The following HFM1 variants were observed in gnomAD, a reference collection of about 807,000 sequenced individuals.
HFM1 encodes probable ATP-dependent DNA helicase HFM1.
HFM1 carries 169 observed loss-of-function variants against 192.1 expected under a neutral mutation model. The observed-to-expected ratio is 0.88, with a 90% CI of 0.78 to 1.00. The LOEUF (loss-of-function observed/expected upper bound fraction) is 1.00. HFM1 is among the 50% of genes least tolerant of loss of function. The pLI is 0.00. For synonymous variants in HFM1, 525 were observed against 537.8 expected (o/e 0.98, Z 0.33); for missense variants, 1,661 against 1,668.0 (o/e 1.00, Z 0.07).
Position 91,323,096 on chromosome 1 carries a change from A to T in HFM1, c.2531T>A (p.Ile844Asn), listed in dbSNP as rs1334366526. The change falls in exon 22 of 39, where the codon ATC becomes AAC. Residue 844 changes from isoleucine to asparagine, a missense_variant. Coordinates refer to ENST00000370425, the MANE Select transcript of HFM1 (RefSeq NM_001017975.6). The part of the protein sequence containing the change: ...TLNKDPNRIT[I>N]RFPMEGRIKT... ...AAAACATATGTAATTTCTGTACCTG[A>T]TAGTTATCCGATTTGGATCTTTGTT... 1 of 1,512,666 alleles carries T rather than the reference A, an allele frequency of 6.6e-7. No individual in the cohort carries two copies. The highest frequency in any genetic ancestry group is 1.8e-5 in the Admixed American group (1 of 56,264). 93.7% of individuals were successfully genotyped at this position (1,512,666 alleles called of 1,614,324 possible). A position where few individuals can be genotyped will look rare whatever the true frequency, so the allele number is the denominator to read the frequency against.
chr1:91,397,593 A>G (rs1375609937), intron 2 of HFM1, among the ~76,000 whole-genome samples: 1 of 152,234 alleles, frequency 6.6e-6, no homozygotes, highest in Non-Finnish European at 1.5e-5. Context: ...TTTTCCAAGT[A>G]AAAAATCTAC....
intron 32 of HFM1, among the ~76,000 whole-genome samples, 176 bp from the exon 33 acceptor site, chr1:91,274,985 A>ATTTTTTT (rs369981082): frequency 1.5e-5 from 2 of 132,976 alleles, no homozygotes; most frequent in South Asian, 2.4e-4. Flanking sequence ...AAATGTTGGC[A>ATTTTTTT]TTTTTTTTTT....
chr1:91,394,233 A>C lies in HFM1; in HGVS notation c.354T>G (p.Ala118=). 1 of 1,599,878 alleles carries C rather than the reference A, an allele frequency of 6.3e-7. No homozygotes were observed. ...GVGNNDLSHI[A]GKLTYASQKY... ...TCTGAGAAGCATATGTCAGCTTGCCAGCAATATGTGATAAGTCATTATTAC... is the reference window on the plus strand; with the variant it reads ...TCTGAGAAGCATATGTCAGCTTGCCCGCAATATGTGATAAGTCATTATTAC... The change falls in exon 4 of 39, where the codon GCT becomes GCG. Residue 118 remains alanine (A), a synonymous_variant. Transcript: ENST00000370425.
At chr1:91,318,675 C>T (rs1216284372) in intron 25 of HFM1, among the ~76,000 whole-genome samples, 3 of 152,056 alleles carry the variant, frequency 2.0e-5, no homozygotes, top group Non-Finnish European at 1.5e-5. Context: ...AAAGAGGTGA[C>T]ATAATTTTCT....
chr1:91,279,769 G>A (rs1667291794), intron 30 of HFM1, among the ~76,000 whole-genome samples: 1 of 152,098 alleles, frequency 6.6e-6, no homozygotes, highest in Non-Finnish European at 1.5e-5. Context: ...CTGGGTTGGA[G>A]GTCTATGGTG....
intron 13 of HFM1, among the ~76,000 whole-genome samples, chr1:91,370,108 A>C (rs534434955): frequency 2.6e-5 from 4 of 152,306 alleles, no homozygotes; most frequent in African/African-American, 9.6e-5. Context: ...ATAGCTTACC[A>C]ACCAAAAAAA....
At chr1:91,394,530 G>A (rs1186689087) in intron 3 of HFM1, 128 bp from the exon 4 acceptor site, 1 of 609,572 alleles carries the variant, frequency 1.6e-6, no homozygotes, top group African/African-American at 1.9e-5. Context: ...CTAGTAATAA[G>A]CTCATCTGTA....
At chr1:91,341,064 C>T (rs1655259746) in intron 20 of HFM1, among the ~76,000 whole-genome samples, 1 of 152,056 alleles carries the variant, frequency 6.6e-6, no homozygotes, top group African/African-American at 2.4e-5. Flanking sequence ...ATGTTCAGGA[C>T]CTAAACTTGA....
intron 13 of HFM1, among the ~76,000 whole-genome samples, chr1:91,373,422 T>C (rs1344945671): frequency 1.3e-5 from 2 of 152,246 alleles, no homozygotes; most frequent in Middle Eastern, 3.4e-3. Flanking sequence ...TAATAATAAG[T>C]TAATGTTCAT....
chr1:91,372,770 A>G (rs1660402430), intron 13 of HFM1, among the ~76,000 whole-genome samples: 2 of 152,150 alleles, frequency 1.3e-5, no homozygotes, highest in Admixed American at 1.3e-4. Flanking sequence ...CTATAAAACT[A>G]CATGCAGTTG....
At chr1:91,365,406 T>C (rs1441769679) in intron 13 of HFM1, among the ~76,000 whole-genome samples, 2 of 152,048 alleles carry the variant, frequency 1.3e-5, no homozygotes, top group Non-Finnish European at 2.9e-5. Flanking sequence ...ATATATTAAT[T>C]TGCATCACTA....
intron 30 of HFM1, among the ~76,000 whole-genome samples, chr1:91,277,487 G>A (rs1666938788): frequency 7.2e-6 from 1 of 139,600 alleles, no homozygotes; most frequent in Admixed American, 8.1e-5. Context: ...CCTGGTGTGT[G>A]TGTATAATCT....
chr1:91,311,622 T>A (rs1436902079), intron 30 of HFM1, among the ~76,000 whole-genome samples: 2 of 139,470 alleles, frequency 1.4e-5, no homozygotes, highest in African/African-American at 5.1e-5. Flanking sequence ...TGAGACTCCA[T>A]CTCAAAAAAA....
At position 91,379,233 on chromosome 1, in the gene HFM1, T is replaced by C. The variant is rs1661267380; in HGVS notation, c.1007-19A>G. 1.9e-6 allele frequency: 3 copies of C among 1,578,592 alleles called. No homozygotes were observed. Among genetic ancestry groups the C allele is most frequent in the South Asian group, 2.4e-5 (2 of 84,570 alleles). ...GGTGCCACTGTAACAATATAAAATA[T>C]TTACTTTGAACATCAGTTCAATTTT... On this transcript the variant is annotated intron_variant, in intron 8 of 38. Transcript: ENST00000370425.
chr1:91,263,711 C>A (rs1665393556), intron 36 of HFM1, among the ~76,000 whole-genome samples: 1 of 152,110 alleles, frequency 6.6e-6, no homozygotes, highest in Non-Finnish European at 1.5e-5. Context: ...CCTAATTATG[C>A]CACTGTACTC....
intron 4 of HFM1, among the ~76,000 whole-genome samples, chr1:91,390,235 A>C (rs574419011): frequency 1.4e-4 from 21 of 152,274 alleles, no homozygotes; most frequent in African/African-American, 5.1e-4. Flanking sequence ...CAGGAGATGA[A>C]GACCATCCTG....
chr1:91,308,557 G>A (rs917441294), intron 30 of HFM1, among the ~76,000 whole-genome samples: 1 of 151,952 alleles, frequency 6.6e-6, no homozygotes, highest in Non-Finnish European at 1.5e-5. Context: ...ATGTGGTCTT[G>A]CTATGTGGTC....
intron 30 of HFM1, among the ~76,000 whole-genome samples, chr1:91,287,221 CAA>C (rs1668092783): frequency 6.6e-6 from 1 of 152,194 alleles, no homozygotes; most frequent in Non-Finnish European, 1.5e-5. Context: ...CACAGGCAAA[CAA>C]AAAGACAGCA....
intron 23 of HFM1, among the ~76,000 whole-genome samples, chr1:91,321,250 A>G (rs920692667): frequency 3.3e-5 from 5 of 152,026 alleles, no homozygotes; most frequent in African/African-American, 9.7e-5. Flanking sequence ...TTGGGACAAG[A>G]CTGGCCAACA....
Sources: gnomAD v4.1 joint callset for allele counts (sites outside exome capture counted in the v4.1 genomes callset) on GRCh38, gnomAD v4.1.1 for gene constraint, MANE v1.5 for transcripts, NCBI Gene and HGNC (gene_info 2026-07-23, HGNC 2026-07-21) for gene names.